Variants in SC5D observed in about 807,000 individuals in gnomAD.
The protein encoded by SC5D is sterol-C5-desaturase, also known as lathosterol oxidase.
In SC5D, 21 loss-of-function variants were observed where a neutral mutation model predicts 23.9. The observed-to-expected ratio is 0.88, with a 90% CI of 0.62 to 1.26. The LOEUF (loss-of-function observed/expected upper bound fraction) is 1.26. SC5D is among the 50% of genes most tolerant of loss of function. The probability of loss-of-function intolerance (pLI) is 0.00; values close to 1 mark genes in which losing one functional copy is unlikely to be tolerated. For synonymous variants in SC5D, 113 were observed against 125.9 expected, an observed-to-expected ratio of 0.90 and a Z score of 0.68; for missense variants, 309 against 364.8, an observed-to-expected ratio of 0.85 and a Z score of 1.25.
In SC5D at chr11:121,309,092, G is replaced by A. The variant is rs1201464395; in HGVS notation, c.*1580G>A. Among the ~76,000 whole-genome samples, 1 of 152,168 alleles carries A rather than the reference G, an allele frequency of 6.6e-6. No individual in the cohort carries two copies. The highest frequency in any genetic ancestry group is 1.5e-5 in the Non-Finnish European group (1 of 68,028). ...GCTTTTCCTCTTTGCCCAGAGACTA[G>A]GACCCAAAGAAGTTAAGTAACTATT... On this transcript the variant is annotated 3_prime_UTR_variant, in exon 5 of 5. Coordinates refer to ENST00000264027, the MANE Select transcript of SC5D (RefSeq NM_006918.5).
intron 1 of SC5D, among the ~76,000 whole-genome samples, chr11:121,293,499 G>A (rs1947866765): frequency 6.6e-6 from 1 of 152,264 alleles, no homozygotes; most frequent in East Asian, 1.9e-4. Context: ...AAGGAAAAGG[G>A]AAATAATCTG....
intron 4 of SC5D, chr11:121,306,758 G>C (rs1282338932): frequency 6.5e-6 from 4 of 619,166 alleles, no homozygotes; most frequent in East Asian, 5.6e-5. Context: ...GAGGATGGGA[G>C]AGGAGTGAGG....
At chr11:121,297,415 A>G (rs954934621) in intron 1 of SC5D, among the ~76,000 whole-genome samples, 4 of 152,222 alleles carry the variant, frequency 2.6e-5, no homozygotes, top group African/African-American at 4.8e-5. Context: ...CACAATTTGG[A>G]ACTCTGGAAA....
At chr11:121,299,063 C>T (rs1394362558) in intron 1 of SC5D, among the ~76,000 whole-genome samples, 1 of 152,070 alleles carries the variant, frequency 6.6e-6, no homozygotes, top group East Asian at 1.9e-4. Context: ...GCTCAGAGGC[C>T]TGACAATAGC....
rs534935957 is a variant in SC5D, at chr11:121,310,331, T to C, written c.*2819T>C. Among the ~76,000 whole-genome samples, 29 of 152,292 alleles carry C rather than the reference T, an allele frequency of 1.9e-4. No individual in the cohort carries two copies. The South Asian group carries it at 6.0e-3, about 32-fold the overall frequency. ...CCTCCAAAATTCAAATGTGGAAATG[T>C]ATTTGCCAGTGAGATAGTATGTAGA... On this transcript the variant is annotated 3_prime_UTR_variant, in exon 5 of 5. Coordinates refer to ENST00000264027, the MANE Select transcript of SC5D (RefSeq NM_006918.5).
intron 3 of SC5D, chr11:121,304,777 ACCTTCT>A: frequency 3.2e-6 from 1 of 314,048 alleles, no homozygotes; most frequent in Non-Finnish European, 6.1e-6. Flanking sequence ...ATTGAATTCA[ACCTTCT>A]AAAAAAAACT....
chr11:121,303,228 T>G, intron 1 of SC5D, 138 bp from the exon 2 acceptor site: 1 of 677,464 alleles, frequency 1.5e-6, no homozygotes, highest in Non-Finnish European at 2.7e-6. Context: ...AGATGGCATG[T>G]AGGGGATTCT....
In SC5D at chr11:121,304,494, G is replaced by A; in HGVS notation, c.343+1G>A. 1 of 1,613,230 alleles carries A rather than the reference G, an allele frequency of 6.2e-7. No individual in the cohort carries two copies. The highest frequency in any genetic ancestry group is 1.7e-5 in the Admixed American group (1 of 60,012). On this transcript the variant is annotated splice_donor_variant, in intron 3 of 4. Coordinates refer to ENST00000264027, the MANE Select transcript of SC5D (RefSeq NM_006918.5). LOFTEE classifies it high-confidence loss of function. Reference sequence around the variant, plus strand: ...GATGACCTAGGAGAGTTTCCATATGGTAAGTAAATAACACGAGTGTCAGGA... The same window carrying A: ...GATGACCTAGGAGAGTTTCCATATGATAAGTAAATAACACGAGTGTCAGGA...
rs1395786458 is a variant in SC5D, at chr11:121,310,604, CCCG to C, written c.*3095_*3097del. 2.0e-5 allele frequency among the ~76,000 whole-genome samples: 3 copies of C among 151,832 alleles called. No homozygotes were observed. The highest frequency in any genetic ancestry group is 6.6e-5 in the Admixed American group (1 of 15,248). On this transcript the variant is annotated 3_prime_UTR_variant, in exon 5 of 5. Coordinates refer to ENST00000264027, the MANE Select transcript of SC5D (RefSeq NM_006918.5). Reference sequence around the variant, plus strand: ...TCCCGAGTAGCTGGGACTACAGGTGCCCGCCACCACCACGCCCGGCTAATTTTT... The same window carrying C: ...TCCCGAGTAGCTGGGACTACAGGTGCCCACCACCACGCCCGGCTAATTTTT...
In SC5D at chr11:121,312,389, C is replaced by T. The variant is rs999096016; in HGVS notation, c.*4877C>T. ...TTTGATAAAAATGAGAAATTACATT[C>T]CCATTTCTTTAACAATTTGTAAATT... On this transcript the variant is annotated 3_prime_UTR_variant, in exon 5 of 5. Transcript: ENST00000264027. Among the ~76,000 whole-genome samples, 3 of 152,096 alleles carry T rather than the reference C, an allele frequency of 2.0e-5. No individual in the cohort carries two copies. Among genetic ancestry groups the T allele is most frequent in the African/African-American group, 7.2e-5 (3 of 41,414 alleles).
rs1947989565 is a variant in SC5D at position 121,309,049 on chromosome 11, T to G, written c.*1537T>G. 6.6e-6 allele frequency among the ~76,000 whole-genome samples: 1 copy of G among 152,234 alleles called. No homozygotes were observed. Among genetic ancestry groups the G allele is most frequent in the African/African-American group, 2.4e-5 (1 of 41,466 alleles). ...GTAAACTTTATTTCCTAATATAATG[T>G]CAGCTGATATTTATTGAGCTTTTCC... On this transcript the variant is annotated 3_prime_UTR_variant, in exon 5 of 5. Coordinates refer to ENST00000264027, the MANE Select transcript of SC5D (RefSeq NM_006918.5).
intron 2 of SC5D, 125 bp from the exon 3 acceptor site, chr11:121,304,236 A>G (rs1947946095): frequency 9.0e-6 from 7 of 780,524 alleles, no homozygotes; most frequent in African/African-American, 1.8e-5. Context: ...ATTTTAATAG[A>G]AACAGTTTGG....
Position 121,306,611 on chromosome 11 carries a change from A to G in SC5D, c.444+125A>G, listed in dbSNP as rs770948755. 6 of 708,128 alleles carry G rather than the reference A, an allele frequency of 8.5e-6. No individual in the cohort carries two copies. The African/African-American group carries it at 1.0e-4, about 12-fold the overall frequency. 43.9% of individuals were successfully genotyped at this position (708,128 alleles called of 1,614,324 possible). A position where few individuals can be genotyped will look rare whatever the true frequency, so the allele number is the denominator to read the frequency against. On this transcript the variant is annotated intron_variant, in intron 4 of 4. Coordinates refer to ENST00000264027, the MANE Select transcript of SC5D (RefSeq NM_006918.5). ...ATTAAATGTCTAAGTAGCCATAATC[A>G]TAACAGGTACAGGGTGCATTTTGTT... is the stretch of plus-strand genomic sequence containing the variant.
In SC5D at chr11:121,304,509, G is replaced by T; in HGVS notation, c.343+16G>T. The T allele has an allele frequency of 1.2e-6, 2 of 1,611,788 alleles. No individual in the cohort carries two copies. Among genetic ancestry groups the T allele is most frequent in the Non-Finnish European group, 1.7e-6 (2 of 1,178,290 alleles). On this transcript the variant is annotated intron_variant, in intron 3 of 4. Transcript: ENST00000264027. Reference sequence around the variant, plus strand: ...TTTCCATATGGTAAGTAAATAACACGAGTGTCAGGAAGAGAGTAGTCTAAG... The same window carrying T: ...TTTCCATATGGTAAGTAAATAACACTAGTGTCAGGAAGAGAGTAGTCTAAG...
At chr11:121,294,805 T>C (rs2134261354) in intron 1 of SC5D, among the ~76,000 whole-genome samples, 1 of 152,372 alleles carries the variant, frequency 6.6e-6, no homozygotes, top group African/African-American at 2.4e-5. Flanking sequence ...ATTCTAGGTA[T>C]TGTATTGAAG....
At chr11:121,303,048 A>T (rs767382061) in intron 1 of SC5D, among the ~76,000 whole-genome samples, 25 of 152,200 alleles carry the variant, frequency 1.6e-4, no homozygotes, top group Non-Finnish European at 2.9e-4. Flanking sequence ...ATGCTGCCAT[A>T]GGACGCGGTA....
Position 121,309,496 on chromosome 11 carries a change from A to T in SC5D, c.*1984A>T, listed in dbSNP as rs774365771. 6.6e-6 allele frequency among the ~76,000 whole-genome samples: 1 copy of T among 152,184 alleles called. No individual in the cohort carries two copies. The highest frequency in any genetic ancestry group is 1.5e-5 in the Non-Finnish European group (1 of 68,036). On this transcript the variant is annotated 3_prime_UTR_variant, in exon 5 of 5. Coordinates refer to ENST00000264027, the MANE Select transcript of SC5D (RefSeq NM_006918.5). ...TGGTGTTCTCCTCTTGTTGATGTTG[A>T]AATGGTGAATGAGCCATAAAGTATT...
chr11:121,298,704 G>C (rs1947906130), intron 1 of SC5D, among the ~76,000 whole-genome samples: 1 of 152,118 alleles, frequency 6.6e-6, no homozygotes, highest in Non-Finnish European at 1.5e-5. Flanking sequence ...GTTTCTAAAT[G>C]CACATAATTG....
At chr11:121,307,015 G>C (rs1947970776) in intron 4 of SC5D, 42 bp from the exon 5 acceptor site, 2 of 1,528,184 alleles carry the variant, frequency 1.3e-6, no homozygotes, top group African/African-American at 2.7e-5. Context: ...ATGTTGCACG[G>C]GGTAAAGTTT....
Sources: allele counts gnomAD v4.1 joint callset (sites outside exome capture counted in the v4.1 genomes callset), GRCh38; gene constraint gnomAD v4.1.1; transcripts MANE v1.5; gene names NCBI Gene and HGNC (gene_info 2026-07-23, HGNC 2026-07-21).